Variants in ABCC6 observed in about 807,000 individuals in gnomAD.
The protein encoded by ABCC6 is ATP-binding cassette sub-family C member 6.
ABCC6 carries 126 observed loss-of-function variants against 169.5 expected under a neutral mutation model. That is an observed-to-expected ratio of 0.74 (90% confidence interval 0.64 to 0.86). The LOEUF (loss-of-function observed/expected upper bound fraction) is 0.86, where lower values mean the gene tolerates loss of function less well. ABCC6 is among the 40% of genes least tolerant of loss of function. The pLI, the probability that ABCC6 is intolerant of heterozygous loss-of-function variation, is 0.00. For missense variants in ABCC6, 1,733 were observed against 1,927.2 expected (o/e 0.90, Z 1.89); for synonymous variants, 752 against 814.7 (o/e 0.92, Z 1.31).
At chr16:16,178,244 G>A (rs1297506450) in intron 18 of ABCC6, among the ~76,000 whole-genome samples, 4 of 152,056 alleles carry the variant, frequency 2.6e-5, no homozygotes, top group African/African-American at 7.2e-5. Flanking sequence ...GGAGAATGGC[G>A]TGAACCCGGG....
rs1567486924 is a variant in ABCC6, at chr16:16,170,944, AAGAAAG to A, written c.2788-1097_2788-1092del. Among the ~76,000 whole-genome samples, 13 of 110,722 alleles carry A rather than the reference AAGAAAG, an allele frequency of 1.2e-4. No individual in the cohort carries two copies. The East Asian group carries it at 1.8e-3, about 15-fold the overall frequency. The allele number at this position is 110,722 out of a possible 152,430, so 72.6% of individuals were successfully genotyped here. On this transcript the variant is annotated intron_variant, in intron 21 of 30. Coordinates refer to ENST00000205557, the MANE Select transcript of ABCC6 (RefSeq NM_001171.6). Reference sequence around the variant, plus strand: ...CAAAAAAAAAAAAAAAAAAAAAAGAAAGAAAGAAAGAAAGAAAGAAAGAAAGAAATT... The same window carrying A: ...CAAAAAAAAAAAAAAAAAAAAAAGAAAAAGAAAGAAAGAAAGAAAGAAATT...
intron 19 of ABCC6, among the ~76,000 whole-genome samples, chr16:16,176,393 G>T (rs1415248049): frequency 6.6e-6 from 1 of 152,156 alleles, no homozygotes; most frequent in Non-Finnish European, 1.5e-5. Context: ...TATCCCCCAG[G>T]TGTGGCCAGT....
chr16:16,170,085 T>A (rs2047010730), intron 21 of ABCC6, among the ~76,000 whole-genome samples: 2 of 74,124 alleles, frequency 2.7e-5, no homozygotes, highest in South Asian at 1.3e-3. Flanking sequence ...CTAGTATTAA[T>A]ATTTTTTCTT....
rs556014568 is a variant in ABCC6, at chr16:16,190,037, G to A, written c.1635+127C>T. 2.5e-4 allele frequency: 239 copies of A among 963,916 alleles called. 2 individuals carry two copies. The East Asian group carries it at 5.5e-3, about 22-fold the overall frequency. 59.7% of individuals were successfully genotyped at this position (963,916 alleles called of 1,614,324 possible). On this transcript the variant is annotated intron_variant, in intron 12 of 30. Coordinates refer to ENST00000205557, the MANE Select transcript of ABCC6 (RefSeq NM_001171.6). ...GACAGCAGGGACCCAGAGAGAACAG[G>A]ATCCAGAATGAGTGGGTTTTGATGG...
rs374763280 is a variant in ABCC6, at chr16:16,182,581, A to T, written c.2078T>A (p.Val693Glu). The T allele has an allele frequency of 6.2e-7, 1 of 1,612,292 alleles. No homozygotes were observed. The highest frequency in any genetic ancestry group is 1.3e-5 in the African/African-American group (1 of 74,858). ...CCAGGCCTCCTGGGGCACGTAGGCCACAGCACCCTAAAACACAACTTACTT... is the reference window on the plus strand; with the variant it reads ...CCAGGCCTCCTGGGGCACGTAGGCCTCAGCACCCTAAAACACAACTTACTT... The part of the protein sequence containing the change: ...VEGFVSIEGA[V>E]AYVPQEAWVQ... The change falls in exon 17 of 31, where the codon GTG (valine) becomes GAG (glutamate). Residue 693 changes from valine to glutamate, a missense_variant. By Grantham distance (121) the Val-to-Glu change is moderately radical. Transcript: ENST00000205557.
chr16:16,210,536 A>G (rs2048571500), intron 6 of ABCC6, among the ~76,000 whole-genome samples: 1 of 152,330 alleles, frequency 6.6e-6, no homozygotes, highest in Non-Finnish European at 1.5e-5. Context: ...TTATTTTTGG[A>G]GTTCTCCTAT....
intron 7 of ABCC6, among the ~76,000 whole-genome samples, chr16:16,203,821 C>A (rs2048317034): frequency 6.6e-6 from 1 of 152,162 alleles, no homozygotes; most frequent in South Asian, 2.1e-4. Flanking sequence ...GGAGGGCACT[C>A]TGAGGCCTCT....
At chr16:16,162,214 T>C (rs1272669158) in intron 24 of ABCC6, among the ~76,000 whole-genome samples, 1 of 152,168 alleles carries the variant, frequency 6.6e-6, no homozygotes, top group African/African-American at 2.4e-5. Flanking sequence ...GAAGATGGAC[T>C]AATACACAGC....
chr16:16,150,462 C>A, intron 30 of ABCC6, 116 bp downstream of exon 30: 1 of 1,503,982 alleles, frequency 6.6e-7, no homozygotes, highest in South Asian at 1.3e-5. Context: ...CCCGCTCTGG[C>A]CCCATTCAGG....
intron 7 of ABCC6, among the ~76,000 whole-genome samples, chr16:16,207,127 C>A (rs957783173): frequency 9.8e-5 from 15 of 152,304 alleles, no homozygotes; most frequent in African/African-American, 3.6e-4. Flanking sequence ...GTCCAGCAAG[C>A]CATGCCTGGG....
At chr16:16,159,938 C>T (rs889040034) in intron 25 of ABCC6, among the ~76,000 whole-genome samples, 2 of 152,158 alleles carry the variant, frequency 1.3e-5, no homozygotes, top group Admixed American at 6.5e-5. Flanking sequence ...ACGGCTTTCT[C>T]GCAGCGACTG....
rs1469164790 is a variant in ABCC6, at chr16:16,202,237, C to T, written c.999-59G>A. On this transcript the variant is annotated intron_variant, in intron 8 of 30. Transcript: ENST00000205557. The stretch of plus-strand genomic sequence containing the variant: ...TGAGAGGAGGTGCCTAAGGGTGTTG[C>T]CTTTGCCCAAACCAGTCCAGATGTG... The T allele has an allele frequency of 4.5e-6, 7 of 1,554,898 alleles. No homozygotes were observed. The East Asian group carries it at 7.2e-5, about 16-fold the overall frequency.
At chr16:16,185,425 AG>A (rs1244418069) in intron 14 of ABCC6, among the ~76,000 whole-genome samples, 2 of 152,228 alleles carry the variant, frequency 1.3e-5, no homozygotes, top group Non-Finnish European at 2.9e-5. Flanking sequence ...TTATGGAAAA[AG>A]TTAGTGAATT....
chr16:16,205,541 G>A (rs1162712029), intron 7 of ABCC6, among the ~76,000 whole-genome samples: 1 of 152,064 alleles, frequency 6.6e-6, no homozygotes, highest in Non-Finnish European at 1.5e-5. Flanking sequence ...GGCATCTATG[G>A]AGGGTTGTGG....
rs1231156562 is a variant in ABCC6 at position 16,182,542 on chromosome 16, G to C, written c.2117C>G (p.Ser706Cys). ...VPQEAWVQNT[S>C]VVENVCFGQE... ...CCCGAAGCACACATTCTCTACCACAGAGGTGTTCTGCACCCAGGCCTCCTG... is the reference window on the plus strand; with the variant it reads ...CCCGAAGCACACATTCTCTACCACACAGGTGTTCTGCACCCAGGCCTCCTG... The change falls in exon 17 of 31, where the codon TCT (serine) becomes TGT (cysteine). Residue 706 changes from serine (S) to cysteine (C), a missense_variant. Around this residue, in one of 5 missense-constraint regions of ABCC6, gnomAD observed 1,601 missense variants for 1,635.5 expected, o/e 0.98. Transcript: ENST00000205557. The C allele has an allele frequency of 6.2e-7, 1 of 1,614,046 alleles. No individual in the cohort carries two copies. The highest frequency in any genetic ancestry group is 1.1e-5 in the South Asian group (1 of 91,072).
At chr16:16,164,443 G>T (rs1233889901) in intron 23 of ABCC6, among the ~76,000 whole-genome samples, 1 of 152,168 alleles carries the variant, frequency 6.6e-6, no homozygotes, top group Non-Finnish European at 1.5e-5. Context: ...GTGGTCACAT[G>T]ATGCAGCCTA....
intron 18 of ABCC6, among the ~76,000 whole-genome samples, chr16:16,178,043 C>T (rs947400761): frequency 6.7e-6 from 1 of 149,112 alleles, no homozygotes; most frequent in South Asian, 2.1e-4. Flanking sequence ...AAAAAATGTA[C>T]GGCCGAGCGC....
At chr16:16,188,313 A>C (rs1265906645) in intron 13 of ABCC6, among the ~76,000 whole-genome samples, 2 of 151,510 alleles carry the variant, frequency 1.3e-5, no homozygotes, top group African/African-American at 4.9e-5. Context: ...AATCACTTGA[A>C]TCTGCGAGGT....
At chr16:16,178,028 G>GA (rs372140822) in intron 18 of ABCC6, among the ~76,000 whole-genome samples, 64 of 145,350 alleles carry the variant, frequency 4.4e-4, no homozygotes, top group East Asian at 6.1e-4. Context: ...GAGAAAGAAA[G>GA]AAAAAAAAAA....
Sources: allele counts gnomAD v4.1 joint callset (sites outside exome capture counted in the v4.1 genomes callset), GRCh38; gene constraint gnomAD v4.1.1; regional missense constraint gnomAD v4.1.1; transcripts MANE v1.5; gene names NCBI Gene and HGNC (gene_info 2026-07-23, HGNC 2026-07-21).